HCN3: variants seen among roughly 807,000 people sequenced by gnomAD.
The protein encoded by HCN3 is hyperpolarization activated cyclic nucleotide gated potassium channel 3, also known as potassium/sodium hyperpolarization-activated cyclic nucleotide-gated channel 3.
In HCN3, 36 loss-of-function variants were observed where a neutral mutation model predicts 56.8. That is an observed-to-expected ratio of 0.63 (90% CI 0.49 to 0.84). The LOEUF (loss-of-function observed/expected upper bound fraction) is 0.84, where lower values mean the gene tolerates loss of function less well. HCN3 is among the 40% of genes least tolerant of loss of function. The pLI, the probability that HCN3 is intolerant of heterozygous loss-of-function variation, is 0.00. For synonymous variants in HCN3, 425 were observed against 439.7 expected, an observed-to-expected ratio of 0.97 and a Z score of 0.42; for missense variants, 930 against 1,079.3, an observed-to-expected ratio of 0.86 and a Z score of 1.94.
chr1:155,279,340 T>C (rs953902966), intron 1 of HCN3, among the ~76,000 whole-genome samples: 9 of 152,154 alleles, frequency 5.9e-5, no homozygotes, highest in African/African-American at 1.7e-4. Context: ...CACAGCAATG[T>C]CACTCACCCC....
At position 155,282,985 on chromosome 1, in the gene HCN3, C is replaced by T; in HGVS notation, c.708+145C>T. On this transcript the variant is annotated intron_variant, in intron 2 of 7. Coordinates refer to ENST00000368358, the MANE Select transcript of HCN3 (RefSeq NM_020897.3). This position sits in a 1 kb window ranked among gnomAD's most constrained non-coding sequence, Gnocchi z 4.7. ...GTGTGGGGAAGATGGGTGGGGCTTCCGTGCGTGAGCTCTCTCCAAAACTGG... is the reference window on the plus strand; with the variant it reads ...GTGTGGGGAAGATGGGTGGGGCTTCTGTGCGTGAGCTCTCTCCAAAACTGG... 2.5e-6 allele frequency: 2 copies of T among 806,838 alleles called. No individual in the cohort carries two copies. Among genetic ancestry groups the T allele is most frequent in the Non-Finnish European group, 3.8e-6 (2 of 520,576 alleles). The allele number at this position is 806,838 out of a possible 1,614,324, so 50.0% of individuals were successfully genotyped here. A position where few individuals can be genotyped will look rare whatever the true frequency, so the allele number is the denominator to read the frequency against.
In HCN3 at chr1:155,277,637, C is replaced by A; in HGVS notation, c.47C>A (p.Thr16Asn). Reference protein sequence around the residue: ...RPAAGASEGATPGLEAVPPVA... With the variant: ...RPAAGASEGANPGLEAVPPVA... ...GCGGCGGGGGCCAGCGAAGGGGCGA[C>A]CCCTGGACTGGAGGCGGTGCCTCCC... The change falls in exon 1 of 8, where the codon ACC (threonine) becomes AAC (asparagine). Residue 16 changes from threonine (T) to asparagine (N), a missense_variant. By Grantham distance (65) the Thr-to-Asn change is moderately conservative. Transcript: ENST00000368358. 2.6e-6 allele frequency: 4 copies of A among 1,555,222 alleles called. No homozygotes were observed. Among genetic ancestry groups the A allele is most frequent in the Non-Finnish European group, 3.5e-6 (4 of 1,150,716 alleles).
rs546435595 is a variant in HCN3, at chr1:155,277,598, C to A, written c.8C>A (p.Ala3Glu). 1.3e-6 allele frequency: 2 copies of A among 1,561,194 alleles called. No individual in the cohort carries two copies. The highest frequency in any genetic ancestry group is 1.7e-6 in the Non-Finnish European group (2 of 1,154,264). MEAEQRPAAGASE... is the reference protein window; with the variant it reads MEEEQRPAAGASE... ...GTAAGCGGGGTGGGCGCCATGGAGG[C>A]AGAGCAGCGGCCGGCGGCGGGGGCC... The change falls in exon 1 of 8, where the codon GCA (alanine) becomes GAA (glutamate). Residue 3 changes from alanine to glutamate, a missense_variant. Coordinates refer to ENST00000368358, the MANE Select transcript of HCN3 (RefSeq NM_020897.3).
In HCN3 at chr1:155,280,639, C is replaced by T. The variant is rs567570524; in HGVS notation, c.279-1772C>T. Among the ~76,000 whole-genome samples the T allele has an allele frequency of 2.9e-4, 43 of 150,644 alleles. No individual in the cohort carries two copies. In the East Asian group the frequency reaches 4.7e-3, roughly 16 times the overall value. ...TTTTTTAGTAGAGATGGGGTTTCAC[C>T]GTGTTAGCCAGGATGGTCTCAATCT... On this transcript the variant is annotated intron_variant, in intron 1 of 7. Transcript: ENST00000368358.
Position 155,288,603 on chromosome 1 carries a change from C to A in HCN3, c.*140C>A. ...CCCTGTGCGGACATTCCGCATACTGCCATGAAGACGGTCTCTGTGTCCTCA... is the reference window on the plus strand; with the variant it reads ...CCCTGTGCGGACATTCCGCATACTGACATGAAGACGGTCTCTGTGTCCTCA... On this transcript the variant is annotated 3_prime_UTR_variant, in exon 8 of 8. Transcript: ENST00000368358. This position sits in a 1 kb window ranked among gnomAD's most constrained non-coding sequence, Gnocchi z 6.5. 9.4e-7 allele frequency: 1 copy of A among 1,059,374 alleles called. No individual in the cohort carries two copies. The highest frequency in any genetic ancestry group is 1.3e-6 in the Non-Finnish European group (1 of 749,128). The allele number at this position is 1,059,374 out of a possible 1,614,324, so 65.6% of individuals were successfully genotyped here.
In HCN3 at chr1:155,289,113, G is replaced by A. The variant is rs1674423422; in HGVS notation, c.*650G>A. On this transcript the variant is annotated 3_prime_UTR_variant, in exon 8 of 8. Transcript: ENST00000368358. ...TCCCTGCAGTCTCTGTCCTGTGGTA[G>A]ACCATCTTTTTGTAAACTGCGAGCT... The A allele has an allele frequency of 1.3e-5, 2 of 152,538 alleles. No individual in the cohort carries two copies. The highest frequency in any genetic ancestry group is 2.9e-5 in the Non-Finnish European group (2 of 68,142). 9.4% of individuals were successfully genotyped at this position (152,538 alleles called of 1,614,324 possible).
chr1:155,286,126 C>G (rs549966216), intron 6 of HCN3, among the ~76,000 whole-genome samples, 162 bp downstream of exon 6: 11 of 152,036 alleles, frequency 7.2e-5, no homozygotes, highest in Non-Finnish European at 1.5e-4. Flanking sequence ...GTCTGGAGCT[C>G]TATAGTTTTT....
At position 155,287,232 on chromosome 1, in the gene HCN3, C is replaced by T. The variant is rs946623627; in HGVS notation, c.1537C>T (p.Arg513Cys). Reference sequence around the variant, plus strand: ...CAGTGTTCGGGCTGACACCTACTGCCGCCTTTACTCACTCAGCGTGGACCA... The same window carrying T: ...CAGTGTTCGGGCTGACACCTACTGCTGCCTTTACTCACTCAGCGTGGACCA... ...TASVRADTYC[R>C]LYSLSVDHFN... The change falls in exon 7 of 8, where the codon CGC (arginine) becomes TGC (cysteine). Residue 513 changes from arginine to cysteine, a missense_variant. Coordinates refer to ENST00000368358, the MANE Select transcript of HCN3 (RefSeq NM_020897.3). 7.4e-6 allele frequency: 12 copies of T among 1,613,912 alleles called. No homozygotes were observed. Among genetic ancestry groups the T allele is most frequent in the Admixed American group, 6.7e-5 (4 of 59,990 alleles).
chr1:155,285,266 C>G lies in HCN3; in HGVS notation c.1191C>G (p.Phe397Leu). The change falls in exon 5 of 8, where the codon TTC becomes TTG. Residue 397 changes from phenylalanine (F) to leucine (L), a missense_variant. Transcript: ENST00000368358. The surrounding 1 kb of genome is among the most constrained non-coding windows in gnomAD (Gnocchi z 4.5). ...AGCACCGCTACCAGGGCAAGATGTT[C>G]GATGAGGAAAGCATCCTGGGCGAGC... ...YYEHRYQGKM[F>L]DEESILGELS... is the part of the protein sequence containing the mutation. 1 of 1,613,644 alleles carries G rather than the reference C, an allele frequency of 6.2e-7. No homozygotes were observed. The highest frequency in any genetic ancestry group is 8.5e-7 in the Non-Finnish European group (1 of 1,180,022).
At chr1:155,279,169 C>A (rs1275274265) in intron 1 of HCN3, among the ~76,000 whole-genome samples, 1 of 152,140 alleles carries the variant, frequency 6.6e-6, no homozygotes, top group African/African-American at 2.4e-5. Context: ...ATTTTGCAGT[C>A]CGAGTCAGAA....
chr1:155,280,520 T>C lies in HCN3; in HGVS notation c.279-1891T>C, dbSNP rs1673988327. 2.0e-5 allele frequency among the ~76,000 whole-genome samples: 3 copies of C among 149,964 alleles called. 1 individual carries two copies. The South Asian group carries it at 6.3e-4, about 32-fold the overall frequency. ...GGCACAATCTCGGCTCACTGCAAGC[T>C]CCGCCTCCCGGGTTCACGCCATTCT... On this transcript the variant is annotated intron_variant, in intron 1 of 7. Coordinates refer to ENST00000368358, the MANE Select transcript of HCN3 (RefSeq NM_020897.3).
At position 155,282,523 on chromosome 1, in the gene HCN3, G is replaced by T; in HGVS notation, c.391G>T (p.Val131Leu). The T allele has an allele frequency of 6.2e-7, 1 of 1,614,210 alleles. No individual in the cohort carries two copies. Among genetic ancestry groups the T allele is most frequent in the Non-Finnish European group, 8.5e-7 (1 of 1,180,048 alleles). ...ENSPPWIVFN[V>L]LSDTFFLLDL... is the part of the protein sequence containing the mutation. ...CTCCCCGCCTTGGATCGTCTTCAAC[G>T]TATTGTCTGATACTTTCTTCCTACT... The change falls in exon 2 of 8, where the codon GTA (valine) becomes TTA (leucine). Residue 131 changes from valine to leucine, a missense_variant. By Grantham distance (32) the Val-to-Leu change is conservative. Coordinates refer to ENST00000368358, the MANE Select transcript of HCN3 (RefSeq NM_020897.3). This position sits in a 1 kb window ranked among gnomAD's most constrained non-coding sequence, Gnocchi z 4.7.
At position 155,277,657 on chromosome 1, in the gene HCN3, C is replaced by T; in HGVS notation, c.67C>T (p.Pro23Ser). 3 of 1,554,544 alleles carry T rather than the reference C, an allele frequency of 1.9e-6. No individual in the cohort carries two copies. The highest frequency in any genetic ancestry group is 2.6e-6 in the Non-Finnish European group (3 of 1,150,338). The change falls in exon 1 of 8, where the codon CCT (proline) becomes TCT (serine). Residue 23 changes from proline (P) to serine (S), a missense_variant. Physicochemically the swap from Pro to Ser is moderately conservative, Grantham distance 74. Transcript: ENST00000368358. The part of the protein sequence containing the change: ...EGATPGLEAV[P>S]PVAPPPATAA... ...GGCGACCCCTGGACTGGAGGCGGTG[C>T]CTCCCGTTGCTCCCCCGCCTGCGAC...
chr1:155,288,162 C>T lies in HCN3; in HGVS notation c.2024C>T (p.Pro675Leu). The change falls in exon 8 of 8, where the codon CCT (proline) becomes CTT (leucine). Residue 675 changes from proline (P) to leucine (L), a missense_variant. Transcript: ENST00000368358. This position sits in a 1 kb window ranked among gnomAD's most constrained non-coding sequence, Gnocchi z 6.5. ...WASTSRLPAPPARTLHASLSR... is the reference protein window; with the variant it reads ...WASTSRLPAPLARTLHASLSR... ...TCCACCTCCCGCCTGCCCGCCCCAC[C>T]TGCCCGAACCCTGCACGCCAGCCTA... 1 of 1,580,874 alleles carries T rather than the reference C, an allele frequency of 6.3e-7. No individual in the cohort carries two copies. Among genetic ancestry groups the T allele is most frequent in the Non-Finnish European group, 8.6e-7 (1 of 1,168,492 alleles).
At chr1:155,277,896 G>A (rs745472615) in intron 1 of HCN3, 28 bp downstream of exon 1, 38 of 1,603,930 alleles carry the variant, frequency 2.4e-5, no homozygotes, top group Non-Finnish European at 3.2e-5. Flanking sequence ...GGGAGGGCAG[G>A]GTACATCAAT....
At chr1:155,280,946 G>T (rs1191183430) in intron 1 of HCN3, among the ~76,000 whole-genome samples, 1 of 149,526 alleles carries the variant, frequency 6.7e-6, no homozygotes, top group South Asian at 2.1e-4. Flanking sequence ...TAGAGATGAG[G>T]TTTCTCCATG....
In HCN3 at chr1:155,284,390, G is replaced by C. The variant is rs1674193206; in HGVS notation, c.871-149G>C. On this transcript the variant is annotated intron_variant, in intron 3 of 7. Transcript: ENST00000368358. This position sits in a 1 kb window ranked among gnomAD's most constrained non-coding sequence, Gnocchi z 4.3. ...GCAATAGAGGACCCTTTTGCCTCAG[G>C]GCCCCCCAGAACCAAACTTAAGTGC... 3.1e-6 allele frequency: 3 copies of C among 961,764 alleles called. No individual in the cohort carries two copies. The highest frequency in any genetic ancestry group is 1.7e-5 in the South Asian group (1 of 57,778). 59.6% of individuals were successfully genotyped at this position (961,764 alleles called of 1,614,324 possible). A position where few individuals can be genotyped will look rare whatever the true frequency, so the allele number is the denominator to read the frequency against.
chr1:155,286,790 A>G (rs1572043269), intron 6 of HCN3, among the ~76,000 whole-genome samples: 1 of 106,694 alleles, frequency 9.4e-6, no homozygotes. Flanking sequence ...GGCTGCCCTC[A>G]GTGTTTATTC....
At chr1:155,279,836 GC>G (rs1673949363) in intron 1 of HCN3, among the ~76,000 whole-genome samples, 1 of 151,840 alleles carries the variant, frequency 6.6e-6, no homozygotes, top group South Asian at 2.1e-4. Flanking sequence ...GGATACTTTA[GC>G]TTTTTTTTTT....
Sources: allele counts gnomAD v4.1 joint callset (sites outside exome capture counted in the v4.1 genomes callset), GRCh38; gene constraint gnomAD v4.1.1; non-coding constraint Gnocchi (gnomAD v3.1); transcripts MANE v1.5; gene names NCBI Gene and HGNC (gene_info 2026-07-23, HGNC 2026-07-21).